The following MCPH1 variants were observed in gnomAD, a reference collection of about 807,000 sequenced individuals.
MCPH1 encodes microcephalin.
MCPH1 carries 104 observed loss-of-function variants against 84.5 expected under a neutral mutation model. That is an observed-to-expected ratio of 1.23 (90% CI 1.05 to 1.45). The LOEUF (loss-of-function observed/expected upper bound fraction) is 1.45. Ranked by LOEUF, MCPH1 falls within the 40% of genes most tolerant of loss-of-function variation. The pLI is 0.00. For synonymous variants in MCPH1, 514 were observed against 366.8 expected (o/e 1.40, Z -4.58); for missense variants, 1,498 against 1,005.7 (o/e 1.49, Z -6.62).
chr8:6,634,041 A>T (rs1216212929), intron 13 of MCPH1, among the ~76,000 whole-genome samples: 3 of 152,208 alleles, frequency 2.0e-5, no homozygotes, highest in African/African-American at 7.2e-5. Flanking sequence ...ACGCTTTTGA[A>T]GTTCTATGCT....
chr8:6,537,427 G>C (rs1291341630), intron 12 of MCPH1, among the ~76,000 whole-genome samples: 1 of 152,056 alleles, frequency 6.6e-6, no homozygotes, highest in African/African-American at 2.4e-5. Flanking sequence ...CCTTCTAGCT[G>C]CATGGTTTGC....
At chr8:6,581,260 A>T (rs1827543248) in intron 12 of MCPH1, among the ~76,000 whole-genome samples, 1 of 152,212 alleles carries the variant, frequency 6.6e-6, no homozygotes, top group Admixed American at 6.5e-5. Context: ...TGTGGGAATT[A>T]TTTATATCCT....
At chr8:6,573,740 G>A (rs1420892051) in intron 12 of MCPH1, among the ~76,000 whole-genome samples, 1 of 152,174 alleles carries the variant, frequency 6.6e-6, no homozygotes, top group Non-Finnish European at 1.5e-5. Flanking sequence ...GGAAGCAGAA[G>A]TAAACCTGCC....
chr8:6,534,807 T>C (rs1477289067), intron 12 of MCPH1, among the ~76,000 whole-genome samples: 3 of 152,198 alleles, frequency 2.0e-5, no homozygotes, highest in Non-Finnish European at 4.4e-5. Flanking sequence ...TCATTCTTTC[T>C]CCTTCCTCCC....
At chr8:6,416,970 G>C (rs1799393639) in intron 3 of MCPH1, among the ~76,000 whole-genome samples, 1 of 151,780 alleles carries the variant, frequency 6.6e-6, no homozygotes, top group Admixed American at 6.6e-5. Context: ...CTTTAGCCTG[G>C]GCGACAAGAG....
intron 9 of MCPH1, among the ~76,000 whole-genome samples, chr8:6,466,359 G>C (rs1052381206): frequency 2.0e-5 from 3 of 150,796 alleles, no homozygotes; most frequent in Non-Finnish European, 4.4e-5. Flanking sequence ...TGAGGCTGGA[G>C]TGCAGTGGTG....
chr8:6,496,451 C>T (rs1415230637), intron 11 of MCPH1, among the ~76,000 whole-genome samples: 1 of 152,130 alleles, frequency 6.6e-6, no homozygotes, highest in African/African-American at 2.4e-5. Flanking sequence ...GGTACCAGGA[C>T]CCCTGTTTTA....
chr8:6,444,525 T>C lies in MCPH1; in HGVS notation c.803T>C (p.Val268Ala). ...AGTGATGTGTGTATTTCTTCACTTG[T>C]ATTGAAAGCAAATAATATTCATTCA... ...IKSDVCISSL[V>A]LKANNIHSSP... The change falls in exon 8 of 14, where the codon GTA becomes GCA. Residue 268 changes from valine (V) to alanine (A), a missense_variant. By Grantham distance (64) the Val-to-Ala change is moderately conservative (BLOSUM62 0). Transcript: ENST00000344683. 6.2e-7 allele frequency: 1 copy of C among 1,614,226 alleles called. No individual in the cohort carries two copies. Among genetic ancestry groups the C allele is most frequent in the Non-Finnish European group, 8.5e-7 (1 of 1,180,032 alleles).
chr8:6,591,228 C>G (rs552691453), intron 12 of MCPH1, among the ~76,000 whole-genome samples: 321 of 152,334 alleles, frequency 2.1e-3, no homozygotes, highest in Non-Finnish European at 3.9e-3. Flanking sequence ...CATTTTGACA[C>G]CTTGCTCAGT....
At chr8:6,445,594 A>C (rs1563221441) in intron 8 of MCPH1, 47 bp downstream of exon 8, 1 of 1,532,284 alleles carries the variant, frequency 6.5e-7, no homozygotes, top group Non-Finnish European at 8.7e-7. Flanking sequence ...ATAAACATGT[A>C]ACAGTGCATC....
In MCPH1 at chr8:6,643,073, G is replaced by T; in HGVS notation, c.*24G>T. On this transcript the variant is annotated 3_prime_UTR_variant, in exon 14 of 14. Coordinates refer to ENST00000344683, the MANE Select transcript of MCPH1 (RefSeq NM_024596.5). Reference sequence around the variant, plus strand: ...GACAGTGACCTCACTGGCCTGTGGTGACTGCACACAGCTCGCAAAACTGTC... The same window carrying T: ...GACAGTGACCTCACTGGCCTGTGGTTACTGCACACAGCTCGCAAAACTGTC... 1 of 1,604,864 alleles carries T rather than the reference G, an allele frequency of 6.2e-7. No individual in the cohort carries two copies. The highest frequency in any genetic ancestry group is 8.5e-7 in the Non-Finnish European group (1 of 1,171,786).
chr8:6,597,730 C>T (rs1829039203), intron 12 of MCPH1, among the ~76,000 whole-genome samples: 1 of 152,166 alleles, frequency 6.6e-6, no homozygotes, highest in South Asian at 2.1e-4. Context: ...CAACAGAGTC[C>T]TGCTTTTCTC....
chr8:6,562,958 A>T, intron 12 of MCPH1: 1 of 1,557,394 alleles, frequency 6.4e-7, no homozygotes, highest in Non-Finnish European at 8.7e-7. Context: ...ATAAACCAGC[A>T]GCTTAGCAAA....
At chr8:6,629,902 G>T (rs1207787507) in intron 13 of MCPH1, among the ~76,000 whole-genome samples, 1 of 152,144 alleles carries the variant, frequency 6.6e-6, no homozygotes, top group East Asian at 1.9e-4. Flanking sequence ...CTTAGGCTGG[G>T]CCCAGCAAGT....
intron 12 of MCPH1, among the ~76,000 whole-genome samples, chr8:6,611,194 C>G (rs746486420): frequency 6.6e-6 from 1 of 151,892 alleles, no homozygotes; most frequent in Non-Finnish European, 1.5e-5. Flanking sequence ...TTTTTCATGC[C>G]AAACAATTCT....
At chr8:6,582,648 C>T (rs775347645) in intron 12 of MCPH1, among the ~76,000 whole-genome samples, 4 of 152,178 alleles carry the variant, frequency 2.6e-5, no homozygotes, top group African/African-American at 4.8e-5. Flanking sequence ...CCTCCACCTC[C>T]GAGTTCCACA....
chr8:6,475,701 G>A (rs1392230608), intron 9 of MCPH1, among the ~76,000 whole-genome samples: 1 of 152,178 alleles, frequency 6.6e-6, no homozygotes, highest in Non-Finnish European at 1.5e-5. Flanking sequence ...GGGACCCATG[G>A]GCCACCACCT....
At chr8:6,412,835 A>T (rs1157135299) in intron 2 of MCPH1, among the ~76,000 whole-genome samples, 1 of 152,182 alleles carries the variant, frequency 6.6e-6, no homozygotes, top group East Asian at 1.9e-4. Context: ...AGAGAGAGAG[A>T]GTTATAAAAG....
intron 12 of MCPH1, among the ~76,000 whole-genome samples, chr8:6,585,390 C>G (rs1426243415): frequency 2.6e-5 from 4 of 152,232 alleles, no homozygotes; most frequent in Admixed American, 6.5e-5. Context: ...GCCACCACAG[C>G]TGGAAGCGTG....
Sources: allele counts gnomAD v4.1 joint callset (sites outside exome capture counted in the v4.1 genomes callset), GRCh38; gene constraint gnomAD v4.1.1; transcripts MANE v1.5; gene names NCBI Gene and HGNC (gene_info 2026-07-23, HGNC 2026-07-21).